The following BACE1 variants were observed in gnomAD, a reference collection of about 807,000 sequenced individuals.
The protein encoded by BACE1 is beta-secretase 1, also known as APP beta-secretase.
Under a neutral mutation model 54.0 loss-of-function variants are expected in BACE1, and 21 were observed. The observed-to-expected ratio is 0.39, with a 90% CI of 0.28 to 0.56. The LOEUF is 0.56. Among genes scored for constraint, BACE1 ranks in the 20% least tolerant of loss-of-function variants. BACE1 has a pLI of 0.63. For missense variants in BACE1, 511 were observed against 661.2 expected (o/e 0.77, Z 2.49); for synonymous variants, 232 against 260.9 (o/e 0.89, Z 1.07).
At chr11:117,308,632 T>A (rs1262299837) in intron 1 of BACE1, among the ~76,000 whole-genome samples, 3 of 152,270 alleles carry the variant, frequency 2.0e-5, no homozygotes, top group African/African-American at 7.2e-5. Context: ...AGCAGAATAA[T>A]AAACATAAAC....
In BACE1 at chr11:117,315,420, T is replaced by G. The variant is rs1591877137; in HGVS notation, c.261+115A>C. On this transcript the variant is annotated intron_variant, in intron 1 of 8. Transcript: ENST00000313005. This position sits in a 1 kb window ranked among gnomAD's most constrained non-coding sequence, Gnocchi z 5.5. ...CCCCCGGGGAATGGCTGGGGAGGGG[T>G]CCCTCCTGCTGTCCCCACCAGCCCA... is the stretch of plus-strand genomic sequence containing the variant. 5 of 1,357,436 alleles carry G rather than the reference T, an allele frequency of 3.7e-6. No homozygotes were observed. Among genetic ancestry groups the G allele is most frequent in the South Asian group, 1.5e-5 (1 of 65,472 alleles). 84.1% of individuals were successfully genotyped at this position (1,357,436 alleles called of 1,614,324 possible). A position where few individuals can be genotyped will look rare whatever the true frequency, so the allele number is the denominator to read the frequency against.
In BACE1 at chr11:117,293,018, C is replaced by G. The variant is rs768855817; in HGVS notation, c.840+36G>C. 1.2e-6 allele frequency: 2 copies of G among 1,609,930 alleles called. No homozygotes were observed. The highest frequency in any genetic ancestry group is 1.7e-6 in the Non-Finnish European group (2 of 1,177,748). On this transcript the variant is annotated intron_variant, in intron 5 of 8. Transcript: ENST00000313005. The surrounding 1 kb of genome is among the most constrained non-coding windows in gnomAD (Gnocchi z 4.1). The stretch of plus-strand genomic sequence containing the variant: ...CTTCCTTCACATTGTACTGCCTACC[C>G]CCTTATGTTCCCAGGCTCTCCCTTG...
chr11:117,297,607 C>G (rs1186959544), intron 1 of BACE1, among the ~76,000 whole-genome samples: 1 of 151,186 alleles, frequency 6.6e-6, no homozygotes, highest in African/African-American at 2.4e-5. Context: ...GCGACAGAGA[C>G]CCTGTCTCAA....
intron 7 of BACE1, 96 bp downstream of exon 7, chr11:117,290,804 C>CT: frequency 6.4e-7 from 1 of 1,555,620 alleles, no homozygotes; most frequent in Non-Finnish European, 8.7e-7. Context: ...CACTACTCAT[C>CT]TGTTTTGTCT....
intron 8 of BACE1, among the ~76,000 whole-genome samples, chr11:117,290,243 A>G (rs1049121855): frequency 3.3e-5 from 5 of 152,178 alleles, no homozygotes; most frequent in African/African-American, 1.2e-4. Flanking sequence ...TTCCCAAGGT[A>G]CCCAGGTAAC....
At chr11:117,302,752 G>A (rs486896) in intron 1 of BACE1, among the ~76,000 whole-genome samples, 18,878 of 152,174 alleles carry the variant, frequency 0.12, 1,174 homozygotes, top group Admixed American at 0.16. Flanking sequence ...AGGCATGGTG[G>A]CGCACACCTG....
At chr11:117,292,779 A>G (rs533453380) in intron 5 of BACE1, 16 of 314,652 alleles carry the variant, frequency 5.1e-5, no homozygotes, top group Admixed American at 4.8e-5. Flanking sequence ...CCTGTCTCAC[A>G]AAAGACTTGC....
At chr11:117,296,188 G>T (rs1414295413) in intron 2 of BACE1, among the ~76,000 whole-genome samples, 1 of 151,918 alleles carries the variant, frequency 6.6e-6, no homozygotes, top group East Asian at 1.9e-4. Context: ...TTATGCTAAG[G>T]GGGCTTCCAG....
At chr11:117,305,585 T>G (rs1054537587) in intron 1 of BACE1, among the ~76,000 whole-genome samples, 1 of 151,632 alleles carries the variant, frequency 6.6e-6, no homozygotes, top group African/African-American at 2.4e-5. Context: ...AAACCTTATC[T>G]AGTATACCTT....
intron 1 of BACE1, among the ~76,000 whole-genome samples, chr11:117,302,654 G>A (rs559339759): frequency 1.3e-5 from 2 of 152,314 alleles, no homozygotes; most frequent in South Asian, 2.1e-4. Context: ...AGGCCAAGGC[G>A]GGCAGATCAT....
intron 1 of BACE1, among the ~76,000 whole-genome samples, chr11:117,312,523 C>T (rs1291338184): frequency 6.6e-6 from 1 of 151,998 alleles, no homozygotes; most frequent in Non-Finnish European, 1.5e-5. Context: ...AGTGCAATGG[C>T]GTGATCTCGG....
At chr11:117,299,518 T>C in intron 1 of BACE1, 1 of 288,946 alleles carries the variant, frequency 3.5e-6, no homozygotes, top group South Asian at 2.7e-5. Flanking sequence ...TGCTTAGACC[T>C]CCTGGCCTCC....
rs1478577585 is a variant in BACE1 at position 117,293,688 on chromosome 11, C to G, written c.705+183G>C. ...AAGTTTACCATAGGTGCCTTGATTC[C>G]TTTCTGGAATAACGCAAAAAAGAAA... On this transcript the variant is annotated intron_variant, in intron 4 of 8. Coordinates refer to ENST00000313005, the MANE Select transcript of BACE1 (RefSeq NM_012104.6). The surrounding 1 kb of genome is among the most constrained non-coding windows in gnomAD (Gnocchi z 4.1). 15 of 585,686 alleles carry G rather than the reference C, an allele frequency of 2.6e-5. No homozygotes were observed. The highest frequency in any genetic ancestry group is 3.5e-5 in the Non-Finnish European group (14 of 395,552). 36.3% of individuals were successfully genotyped at this position (585,686 alleles called of 1,614,324 possible).
At chr11:117,298,034 G>A in intron 1 of BACE1, among the ~76,000 whole-genome samples, 1 of 152,182 alleles carries the variant, frequency 6.6e-6, no homozygotes. Flanking sequence ...CAGCACAGTG[G>A]CTCACAACTG....
intron 1 of BACE1, among the ~76,000 whole-genome samples, chr11:117,314,930 C>T (rs990363077): frequency 2.0e-5 from 3 of 151,748 alleles, no homozygotes; most frequent in African/African-American, 7.3e-5. Flanking sequence ...GAGTGTAGAC[C>T]GCGAGAGGGA....
intron 1 of BACE1, among the ~76,000 whole-genome samples, chr11:117,311,799 C>T (rs2034948505): frequency 6.6e-6 from 1 of 152,204 alleles, no homozygotes; most frequent in South Asian, 2.1e-4. Flanking sequence ...CGCCACCACA[C>T]CCAGCTAATT....
chr11:117,295,769 A>G, intron 2 of BACE1: 1 of 1,346,180 alleles, frequency 7.4e-7, no homozygotes, highest in Non-Finnish European at 9.8e-7. Flanking sequence ...TCCGAGTGGT[A>G]GAGAAAGTGC....
In BACE1 at chr11:117,293,238, G is replaced by A. The variant is rs1181242446; in HGVS notation, c.706-50C>T. On this transcript the variant is annotated intron_variant, in intron 4 of 8. Coordinates refer to ENST00000313005, the MANE Select transcript of BACE1 (RefSeq NM_012104.6). This position sits in a 1 kb window ranked among gnomAD's most constrained non-coding sequence, Gnocchi z 4.1. ...CCGTGTCCTGGCACAGAAGGAGAGT[G>A]AGTCCCCCAAGGACCAAGCAATAAG... 1.9e-6 allele frequency: 3 copies of A among 1,602,224 alleles called. No homozygotes were observed. In the Admixed American group the frequency reaches 5.1e-5, roughly 27 times the overall value.
intron 1 of BACE1, among the ~76,000 whole-genome samples, chr11:117,313,685 A>C (rs2035007046): frequency 6.6e-6 from 1 of 152,148 alleles, no homozygotes; most frequent in Non-Finnish European, 1.5e-5. Context: ...TGATCTGCCC[A>C]CCTTGGCCCC....
Sources: allele counts gnomAD v4.1 joint callset (sites outside exome capture counted in the v4.1 genomes callset), GRCh38; gene constraint gnomAD v4.1.1; non-coding constraint Gnocchi (gnomAD v3.1); transcripts MANE v1.5; gene names NCBI Gene and HGNC (gene_info 2026-07-23, HGNC 2026-07-21).